The following FOXP1 variants were observed in gnomAD, a reference collection of about 807,000 sequenced individuals.
The protein encoded by FOXP1 is forkhead box protein P1.
Under a neutral mutation model 98.2 loss-of-function variants are expected in FOXP1, and 15 were observed. That is an observed-to-expected ratio of 0.15 (90% CI 0.10 to 0.24). The LOEUF (loss-of-function observed/expected upper bound fraction) is 0.24, where lower values mean the gene tolerates loss of function less well. Ranked by LOEUF, FOXP1 falls within the 10% of genes least tolerant of loss-of-function variation. The pLI is 1.00. For synonymous variants in FOXP1, 371 were observed against 314.5 expected, an observed-to-expected ratio of 1.18 and a Z score of -1.90; for missense variants, 633 against 848.5, an observed-to-expected ratio of 0.75 and a Z score of 3.15.
intron 6 of FOXP1, among the ~76,000 whole-genome samples, chr3:71,142,086 C>T (rs1440948680): frequency 6.6e-6 from 1 of 151,912 alleles, no homozygotes; most frequent in Non-Finnish European, 1.5e-5. Flanking sequence ...ACACAGATTA[C>T]AAATATGCTT....
chr3:71,161,674 C>G (rs2061143821), intron 6 of FOXP1, among the ~76,000 whole-genome samples: 1 of 152,216 alleles, frequency 6.6e-6, no homozygotes, highest in African/African-American at 2.4e-5. Context: ...AGAATTTAAG[C>G]TCAATTTCCT....
rs2031667294 is a variant in FOXP1 at position 70,955,889 on chromosome 3, C to G, written c.*3358G>C. 1.3e-5 allele frequency: 3 copies of G among 231,382 alleles called. No individual in the cohort carries two copies. Among genetic ancestry groups the G allele is most frequent in the Non-Finnish European group, 1.7e-5 (2 of 117,644 alleles). 14.3% of individuals were successfully genotyped at this position (231,382 alleles called of 1,614,324 possible). A position where few individuals can be genotyped will look rare whatever the true frequency, so the allele number is the denominator to read the frequency against. ...TACAAAATGCTCCAATCAATGAGAA[C>G]AGAAAAAAGAAATCTTCAACTATGT... On this transcript the variant is annotated 3_prime_UTR_variant, in exon 21 of 21. Transcript: ENST00000649528.
At chr3:71,456,335 G>A (rs527426582) in intron 3 of FOXP1, among the ~76,000 whole-genome samples, 5 of 152,270 alleles carry the variant, frequency 3.3e-5, no homozygotes, top group African/African-American at 1.2e-4. Flanking sequence ...AAGGGTTTCT[G>A]TTACTTTCAA....
At chr3:71,546,213 A>C (rs1279857455) in intron 2 of FOXP1, among the ~76,000 whole-genome samples, 1 of 152,160 alleles carries the variant, frequency 6.6e-6, no homozygotes, top group Non-Finnish European at 1.5e-5. Context: ...GCCAGGTAAG[A>C]GAGTGAAGGT....
chr3:71,188,833 CATTTTA>C (rs991239275), intron 6 of FOXP1, among the ~76,000 whole-genome samples: 14 of 152,220 alleles, frequency 9.2e-5, no homozygotes, highest in Non-Finnish European at 1.8e-4. Context: ...TTAGGAAGTT[CATTTTA>C]TTTTTGGTAC....
chr3:71,559,809 T>C (rs1421534753), intron 2 of FOXP1, among the ~76,000 whole-genome samples: 2 of 151,432 alleles, frequency 1.3e-5, no homozygotes, highest in African/African-American at 4.9e-5. Context: ...ATTGCATCAC[T>C]GCATTCCAGC....
intron 4 of FOXP1, among the ~76,000 whole-genome samples, chr3:71,347,327 A>C (rs9859586): frequency 6.6e-6 from 1 of 152,012 alleles, no homozygotes; most frequent in South Asian, 2.1e-4. Flanking sequence ...TCCAAAATGA[A>C]AGTCACCCAT....
chr3:71,135,869 G>A (rs2059798710), intron 6 of FOXP1, among the ~76,000 whole-genome samples: 1 of 152,162 alleles, frequency 6.6e-6, no homozygotes, highest in African/African-American at 2.4e-5. Flanking sequence ...CAAGGGCCAG[G>A]CCATATAAGG....
chr3:71,453,923 CTG>C lies in FOXP1; in HGVS notation c.-168+39501_-168+39502del, dbSNP rs980764128. ...TACAAACGCATTATGAACCAGACAT[CTG>C]TGTCTTAAGACAATGAACACATCAA... On this transcript the variant is annotated intron_variant, in intron 3 of 20. Transcript: ENST00000649528. Among the ~76,000 whole-genome samples the C allele has an allele frequency of 9.3e-4, 142 of 152,208 alleles. 1 individual carries two copies. Among genetic ancestry groups the C allele is most frequent in the African/African-American group, 3.3e-3 (138 of 41,462 alleles).
At chr3:71,583,465 CTTTT>C (rs1195207970) in intron 1 of FOXP1, 102 bp downstream of exon 1, 5 of 736,014 alleles carry the variant, frequency 6.8e-6, no homozygotes, top group Non-Finnish European at 4.9e-6. Context: ...TTCTTTCTTT[CTTTT>C]TTTTTTTTTG....
At chr3:71,390,367 A>G (rs2080939522) in intron 3 of FOXP1, among the ~76,000 whole-genome samples, 1 of 152,204 alleles carries the variant, frequency 6.6e-6, no homozygotes, top group East Asian at 1.9e-4. Context: ...AAATGGAGTC[A>G]TGAGGAATTT....
At chr3:71,232,882 A>C (rs867547924) in intron 5 of FOXP1, among the ~76,000 whole-genome samples, 7 of 143,608 alleles carry the variant, frequency 4.9e-5, no homozygotes, top group Non-Finnish European at 9.2e-5. Context: ...TGTCTCAAAA[A>C]AAAAAAAAAA....
intron 5 of FOXP1, among the ~76,000 whole-genome samples, chr3:71,258,207 G>C (rs1038964404): frequency 1.8e-4 from 28 of 152,186 alleles, no homozygotes; most frequent in African/African-American, 6.8e-4. Flanking sequence ...ACACACACTT[G>C]TGGGAGCCCA....
At chr3:71,541,733 G>A (rs555494858) in intron 2 of FOXP1, among the ~76,000 whole-genome samples, 2 of 152,152 alleles carry the variant, frequency 1.3e-5, no homozygotes, top group East Asian at 3.9e-4. Flanking sequence ...TGTTGCCTCT[G>A]TTACAAGAAG....
chr3:71,016,129 G>A (rs2044438721), intron 11 of FOXP1, among the ~76,000 whole-genome samples: 1 of 152,050 alleles, frequency 6.6e-6, no homozygotes, highest in African/African-American at 2.4e-5. Flanking sequence ...CAGCAAAGAG[G>A]AGTACAATTA....
intron 11 of FOXP1, among the ~76,000 whole-genome samples, chr3:71,023,725 C>T (rs952191595): frequency 3.3e-5 from 5 of 152,122 alleles, no homozygotes; most frequent in Admixed American, 6.5e-5. Flanking sequence ...GAATTTGATC[C>T]GAGAATATTC....
intron 13 of FOXP1, among the ~76,000 whole-genome samples, chr3:71,000,747 C>G (rs905815010): frequency 6.6e-6 from 1 of 150,578 alleles, no homozygotes; most frequent in Admixed American, 6.6e-5. Flanking sequence ...AACCTCTGAG[C>G]AGCAGTTCCA....
chr3:71,218,954 T>C (rs1291981972), intron 5 of FOXP1, among the ~76,000 whole-genome samples: 1 of 152,194 alleles, frequency 6.6e-6, no homozygotes, highest in Non-Finnish European at 1.5e-5. Flanking sequence ...TTTGATGTCC[T>C]AAAAGAGCCA....
intron 5 of FOXP1, among the ~76,000 whole-genome samples, chr3:71,261,268 C>G (rs1042638601): frequency 6.6e-6 from 1 of 152,042 alleles, no homozygotes; most frequent in Non-Finnish European, 1.5e-5. Flanking sequence ...AATAATGCCA[C>G]TTTTAGTAAA....
Sources: gnomAD v4.1 joint callset for allele counts (sites outside exome capture counted in the v4.1 genomes callset) on GRCh38, gnomAD v4.1.1 for gene constraint, MANE v1.5 for transcripts, NCBI Gene and HGNC (gene_info 2026-07-23, HGNC 2026-07-21) for gene names.